The following SPOCK3 variants were observed in gnomAD, a reference collection of about 807,000 sequenced individuals.
SPOCK3 encodes testican-3.
SPOCK3 carries 30 observed loss-of-function variants against 56.6 expected under a neutral mutation model. The observed-to-expected ratio is 0.53, with a 90% CI of 0.40 to 0.72. SPOCK3 has a LOEUF of 0.72. Among genes scored for constraint, SPOCK3 ranks in the 30% least tolerant of loss-of-function variants. The pLI, the probability that SPOCK3 is intolerant of heterozygous loss-of-function variation, is 0.00. For synonymous variants in SPOCK3, 196 were observed against 183.3 expected (o/e 1.07, Z -0.56); for missense variants, 527 against 530.0 (o/e 0.99, Z 0.06).
intron 2 of SPOCK3, among the ~76,000 whole-genome samples, chr4:167,202,281 CTAT>C (rs2110934336): frequency 1.3e-5 from 2 of 151,936 alleles, no homozygotes; most frequent in South Asian, 4.2e-4. Flanking sequence ...CAACTGCAAT[CTAT>C]TATTTATGCA....
chr4:166,858,816 C>T (rs759433261), intron 6 of SPOCK3, among the ~76,000 whole-genome samples: 1 of 152,072 alleles, frequency 6.6e-6, no homozygotes, highest in African/African-American at 2.4e-5. Flanking sequence ...TCTTCCTGCT[C>T]ACTGTTGGGC....
intron 3 of SPOCK3, among the ~76,000 whole-genome samples, chr4:167,034,400 C>T (rs999115708): frequency 4.6e-5 from 7 of 151,770 alleles, no homozygotes; most frequent in Middle Eastern, 3.4e-3. Context: ...GATACAAGGT[C>T]GTCCCGGTAT....
intron 3 of SPOCK3, among the ~76,000 whole-genome samples, chr4:167,026,116 C>CTA (rs770227565): frequency 2.0e-5 from 3 of 152,070 alleles, no homozygotes; most frequent in Non-Finnish European, 4.4e-5. Flanking sequence ...AACCACCATC[C>CTA]TATATGTGGT....
intron 6 of SPOCK3, among the ~76,000 whole-genome samples, chr4:166,866,732 G>A (rs1731880503): frequency 6.6e-6 from 1 of 151,922 alleles, no homozygotes; most frequent in Non-Finnish European, 1.5e-5. Context: ...ATTTCAAAAG[G>A]ATATACTCCG....
chr4:167,230,587 T>G (rs1737078197), intron 2 of SPOCK3, among the ~76,000 whole-genome samples: 1 of 151,282 alleles, frequency 6.6e-6, no homozygotes, highest in Non-Finnish European at 1.5e-5. Flanking sequence ...TTTATTTTAT[T>G]TCAAAATCAC....
chr4:166,899,288 ATCT>A (rs745654147), intron 5 of SPOCK3, among the ~76,000 whole-genome samples: 2,063 of 145,032 alleles, frequency 0.014, 35 homozygotes, highest in African/African-American at 0.026. Context: ...CTATCTATCT[ATCT>A]ATCTATCTAT....
At chr4:166,778,424 C>A (rs939676254) in intron 7 of SPOCK3, among the ~76,000 whole-genome samples, 2 of 152,042 alleles carry the variant, frequency 1.3e-5, no homozygotes, top group African/African-American at 2.4e-5. Context: ...CATTTCAAAA[C>A]CTATTCTGAA....
At chr4:167,061,778 A>C (rs1324960128) in intron 3 of SPOCK3, among the ~76,000 whole-genome samples, 1 of 151,962 alleles carries the variant, frequency 6.6e-6, no homozygotes, top group Non-Finnish European at 1.5e-5. Flanking sequence ...TTTTTTTTCT[A>C]CTTTGCAGAG....
rs571318544 is a variant in SPOCK3 at position 166,804,887 on chromosome 4, T to C, written c.590-12598A>G. On this transcript the variant is annotated intron_variant, in intron 6 of 10. Coordinates refer to ENST00000357545, the MANE Select transcript of SPOCK3 (RefSeq NM_001040159.2). ...TAAGAATTACTATTCTGTGGAGTGC[T>C]GTATGTTGTTTCATGAGGAAATGTT... Among the ~76,000 whole-genome samples the C allele has an allele frequency of 5.1e-3, 779 of 152,244 alleles. 4 individuals are homozygous for C. Among genetic ancestry groups the C allele is most frequent in the African/African-American group, 0.018 (729 of 41,566 alleles).
chr4:166,773,930 G>A (rs1041244329), intron 7 of SPOCK3, among the ~76,000 whole-genome samples: 3 of 152,116 alleles, frequency 2.0e-5, no homozygotes, highest in Admixed American at 6.6e-5. Context: ...CTCTGTAAAT[G>A]TGTGATTTTT....
chr4:167,038,183 A>G (rs1752929169), intron 3 of SPOCK3, among the ~76,000 whole-genome samples: 1 of 152,150 alleles, frequency 6.6e-6, no homozygotes, highest in South Asian at 2.1e-4. Flanking sequence ...CTCCTGTCTC[A>G]GCTCACTCAA....
At chr4:166,815,430 A>G (rs1357266856) in intron 6 of SPOCK3, among the ~76,000 whole-genome samples, 1 of 152,130 alleles carries the variant, frequency 6.6e-6, no homozygotes, top group Non-Finnish European at 1.5e-5. Flanking sequence ...TGAATAAATT[A>G]TGTCTTTCAT....
chr4:166,825,344 T>G (rs753164151), intron 6 of SPOCK3, among the ~76,000 whole-genome samples: 1 of 152,098 alleles, frequency 6.6e-6, no homozygotes, highest in Non-Finnish European at 1.5e-5. Context: ...GTTAAGTTAT[T>G]TTACTGCAAA....
intron 2 of SPOCK3, among the ~76,000 whole-genome samples, chr4:167,069,691 C>G (rs1239739499): frequency 1.3e-5 from 2 of 151,894 alleles, no homozygotes; most frequent in African/African-American, 4.8e-5. Context: ...CAAACAATCC[C>G]TTGTTCACAG....
At chr4:166,799,056 C>T (rs1560870269) in intron 6 of SPOCK3, among the ~76,000 whole-genome samples, 3 of 152,110 alleles carry the variant, frequency 2.0e-5, no homozygotes, top group Admixed American at 1.3e-4. Flanking sequence ...TGTTTGGGGG[C>T]AATGTTGCAG....
intron 3 of SPOCK3, among the ~76,000 whole-genome samples, chr4:167,034,266 C>T (rs1446803187): frequency 6.6e-6 from 1 of 151,326 alleles, no homozygotes; most frequent in Non-Finnish European, 1.5e-5. Context: ...CATTCTGAAA[C>T]AAGATATTAG....
chr4:166,921,728 A>G, intron 4 of SPOCK3, among the ~76,000 whole-genome samples: 1 of 152,216 alleles, frequency 6.6e-6, no homozygotes, highest in East Asian at 1.9e-4. Flanking sequence ...AAGACTATAA[A>G]AAAGCCTTTC....
intron 2 of SPOCK3, among the ~76,000 whole-genome samples, chr4:167,108,818 T>C (rs1162934554): frequency 6.7e-6 from 1 of 149,412 alleles, no homozygotes; most frequent in Non-Finnish European, 1.5e-5. Flanking sequence ...AATTGGATTG[T>C]TTGTTACACA....
At chr4:166,741,907 T>C in intron 9 of SPOCK3, 90 bp downstream of exon 9, 1 of 945,830 alleles carries the variant, frequency 1.1e-6, no homozygotes, top group Non-Finnish European at 1.7e-6. Flanking sequence ...CAGTCTATCT[T>C]TGTTGGATTA....
Sources: gnomAD v4.1 joint callset for allele counts (sites outside exome capture counted in the v4.1 genomes callset) on GRCh38, gnomAD v4.1.1 for gene constraint, MANE v1.5 for transcripts, NCBI Gene and HGNC (gene_info 2026-07-23, HGNC 2026-07-21) for gene names.